Variants in RTL4 observed in about 807,000 individuals in gnomAD.
The protein encoded by RTL4 is retrotransposon Gag-like protein 4.
Under a neutral mutation model 5.3 loss-of-function variants are expected in RTL4, and 4 were observed. That is an observed-to-expected ratio of 0.75 (90% confidence interval 0.37 to 1.72). The LOEUF (loss-of-function observed/expected upper bound fraction) is 1.72. Among genes scored for constraint, RTL4 ranks in the 40% most tolerant of loss-of-function variants. The pLI, the probability that RTL4 is intolerant of heterozygous loss-of-function variation, is 0.04. For missense variants in RTL4, 260 were observed against 227.1 expected, an observed-to-expected ratio of 1.14 and a Z score of -0.93; for synonymous variants, 98 against 87.3, an observed-to-expected ratio of 1.12 and a Z score of -0.68.
chrX:112,455,398 G>C (rs753366479), exon 1 of RTL4: 1 of 1,211,615 alleles, frequency 8.3e-7, no homozygotes, highest in South Asian at 1.8e-5. Flanking sequence ...TGACAGGCCA[G>C]AGCTCCTACA....
the RTL4 span, among the ~76,000 whole-genome samples, chrX:112,096,475 C>T: frequency 1.4e-4 from 16 of 111,566 alleles, 1 homozygote; most frequent in East Asian, 3.1e-3. Flanking sequence ...GATCCAGGCA[C>T]GTCAACAGCA....
the RTL4 span, among the ~76,000 whole-genome samples, chrX:112,116,984 C>T: frequency 9.0e-6 from 1 of 111,730 alleles, no homozygotes; most frequent in African/African-American, 3.3e-5. Context: ...TACATTTAAA[C>T]ATAAAATGAA....
At chrX:112,440,020 A>C in the RTL4 span, among the ~76,000 whole-genome samples, 3 of 111,777 alleles carry the variant, frequency 2.7e-5, no homozygotes, top group Non-Finnish European at 5.6e-5. Flanking sequence ...AATGAGAATG[A>C]TTAAAAGCCA....
At chrX:112,433,523 GCTCT>G in the RTL4 span, among the ~76,000 whole-genome samples, 3 of 61,925 alleles carry the variant, frequency 4.8e-5, no homozygotes, top group African/African-American at 2.1e-4. Flanking sequence ...TCATGATTTG[GCTCT>G]CTGTTTGTCT....
upstream of RTL4, among the ~76,000 whole-genome samples, chrX:112,451,741 T>A (rs144493702): frequency 9.0e-5 from 10 of 111,645 alleles, no homozygotes; most frequent in East Asian, 2.8e-3. Context: ...GTGGGAGAGA[T>A]GAGCAGTAGT....
chrX:112,270,237 G>C, the RTL4 span, among the ~76,000 whole-genome samples: 639 of 112,182 alleles, frequency 5.7e-3, 4 homozygotes, highest in African/African-American at 0.02. Context: ...GTCTTCTTAC[G>C]TGGCATAACT....
At chrX:112,310,986 G>T in the RTL4 span, among the ~76,000 whole-genome samples, 2 of 104,199 alleles carry the variant, frequency 1.9e-5, no homozygotes. Context: ...CTGACCTCCT[G>T]GGAGGTATTT....
At chrX:112,350,177 C>T in the RTL4 span, among the ~76,000 whole-genome samples, 21 of 110,307 alleles carry the variant, frequency 1.9e-4, no homozygotes, top group East Asian at 5.7e-4. Flanking sequence ...TATTGATTTG[C>T]GTATGTTGAA....
At chrX:112,202,985 G>A in the RTL4 span, among the ~76,000 whole-genome samples, 1 of 111,561 alleles carries the variant, frequency 9.0e-6, no homozygotes, top group Non-Finnish European at 1.9e-5. Context: ...GTGATATGTC[G>A]TTGTTTTAAT....
At chrX:112,437,868 A>T in the RTL4 span, among the ~76,000 whole-genome samples, 6 of 104,529 alleles carry the variant, frequency 5.7e-5, no homozygotes, top group Non-Finnish European at 9.8e-5. Flanking sequence ...AGAGGTTGTT[A>T]TGTCTTGCCT....
At chrX:112,437,789 AGTGGTGGTGGTGATGGTGGTGGTGGTG>A in the RTL4 span, among the ~76,000 whole-genome samples, 2 of 72,490 alleles carry the variant, frequency 2.8e-5, no homozygotes, top group Admixed American at 1.8e-4. Context: ...AAGTCATGGT[AGTGGTGGTGGTGATGGTGGTGGTGGTG>A]GTGGTGGTGG....
At chrX:112,133,166 A>G in the RTL4 span, among the ~76,000 whole-genome samples, 8 of 111,934 alleles carry the variant, frequency 7.1e-5, no homozygotes, top group Admixed American at 6.6e-4. Context: ...CTGCAGGTAA[A>G]AGACATTTCC....
the RTL4 span, among the ~76,000 whole-genome samples, chrX:112,273,428 A>G: frequency 9.1e-6 from 1 of 110,155 alleles, no homozygotes; most frequent in East Asian, 2.9e-4. Flanking sequence ...TAATTTTTGT[A>G]TTTTTAGTAG....
At chrX:112,449,807 G>A (rs1926702968), upstream of RTL4, among the ~76,000 whole-genome samples, 1 of 112,045 alleles carries the variant, frequency 8.9e-6, no homozygotes, top group African/African-American at 3.2e-5. Flanking sequence ...AATTTTGTAT[G>A]TGTGCTAAAG....
At chrX:112,295,234 G>C in the RTL4 span, among the ~76,000 whole-genome samples, 1 of 111,131 alleles carries the variant, frequency 9.0e-6, no homozygotes. Context: ...GTAAGAGCTG[G>C]TATTTTTTTT....
At chrX:112,272,156 G>A in the RTL4 span, among the ~76,000 whole-genome samples, 3 of 111,760 alleles carry the variant, frequency 2.7e-5, no homozygotes, top group Admixed American at 9.5e-5. Context: ...AACTGAAACC[G>A]TACTCATCAG....
At chrX:112,169,959 T>A in the RTL4 span, among the ~76,000 whole-genome samples, 1 of 112,245 alleles carries the variant, frequency 8.9e-6, no homozygotes, top group African/African-American at 3.2e-5. Context: ...CATGATCCAG[T>A]TTCACGTTTC....
At chrX:112,289,001 G>A in the RTL4 span, among the ~76,000 whole-genome samples, 2 of 111,900 alleles carry the variant, frequency 1.8e-5, no homozygotes, top group African/African-American at 6.5e-5. Context: ...CTGCAACATA[G>A]TATGTGCTCA....
the RTL4 span, among the ~76,000 whole-genome samples, chrX:112,197,809 CTTTGTATT>C: frequency 6.3e-5 from 7 of 111,293 alleles, no homozygotes; most frequent in African/African-American, 2.3e-4. Flanking sequence ...ATTTGTTTGT[CTTTGTATT>C]TTTGTATTTT....
Sources: gnomAD v4.1 joint callset for allele counts (sites outside exome capture counted in the v4.1 genomes callset) on GRCh38, gnomAD v4.1.1 for gene constraint, MANE v1.5 for transcripts, NCBI Gene and HGNC (gene_info 2026-07-23, HGNC 2026-07-21) for gene names.